Variants in CDK14 observed in about 807,000 individuals in gnomAD.
The protein encoded by CDK14 is cyclin dependent kinase 14, also known as cyclin-dependent kinase 14.
A neutral mutation model predicts 60.7 loss-of-function variants in CDK14; 34 were observed. The observed-to-expected ratio is 0.56, with a 90% CI of 0.43 to 0.75. CDK14 has a LOEUF of 0.75. Among genes scored for constraint, CDK14 ranks in the 30% least tolerant of loss-of-function variants. CDK14 has a pLI of 0.00. For synonymous variants in CDK14, 197 were observed against 203.7 expected, an observed-to-expected ratio of 0.97 and a Z score of 0.28; for missense variants, 482 against 564.1, an observed-to-expected ratio of 0.85 and a Z score of 1.47.
rs1421790085 is a variant in CDK14 at position 91,084,674 on chromosome 7, G to A, written c.1154+5194G>A. 2.0e-5 allele frequency among the ~76,000 whole-genome samples: 3 copies of A among 152,220 alleles called. No individual in the cohort carries two copies. The East Asian group carries it at 5.8e-4, about 29-fold the overall frequency. On this transcript the variant is annotated intron_variant, in intron 12 of 14. Coordinates refer to ENST00000380050, the MANE Select transcript of CDK14 (RefSeq NM_001287135.2). ...GGTGATGGCCAAGGGCAGGCCCCATGCTATTTGTTATCTGTTGGACACGCG... is the reference window on the plus strand; with the variant it reads ...GGTGATGGCCAAGGGCAGGCCCCATACTATTTGTTATCTGTTGGACACGCG...
At chr7:91,101,579 T>G (rs1799146589) in intron 12 of CDK14, among the ~76,000 whole-genome samples, 1 of 152,146 alleles carries the variant, frequency 6.6e-6, no homozygotes, top group Admixed American at 6.5e-5. Context: ...GGGAGGAATC[T>G]CATTATTTTT....
intron 14 of CDK14, among the ~76,000 whole-genome samples, chr7:91,133,247 C>T (rs1286910504): frequency 6.6e-6 from 1 of 151,972 alleles, no homozygotes; most frequent in African/African-American, 2.4e-5. Flanking sequence ...TACTTTAAGT[C>T]CCTGTAAGGG....
chr7:90,960,037 A>G (rs1432318903), intron 9 of CDK14, among the ~76,000 whole-genome samples: 3 of 152,164 alleles, frequency 2.0e-5, no homozygotes, highest in Admixed American at 6.6e-5. Flanking sequence ...TTTGAAAGCC[A>G]CATTAAGAGA....
At chr7:90,677,095 T>C (rs1401809148) in intron 2 of CDK14, among the ~76,000 whole-genome samples, 1 of 152,166 alleles carries the variant, frequency 6.6e-6, no homozygotes, top group Non-Finnish European at 1.5e-5. Flanking sequence ...TCTTCAAAAT[T>C]TGATACATCA....
intron 5 of CDK14, among the ~76,000 whole-genome samples, chr7:90,809,291 CA>C: frequency 6.6e-6 from 1 of 152,268 alleles, no homozygotes; most frequent in South Asian, 2.1e-4. Flanking sequence ...ACAGTGCAAT[CA>C]AACTAGAACT....
chr7:90,864,815 T>A (rs1791121028), intron 6 of CDK14, among the ~76,000 whole-genome samples: 1 of 152,164 alleles, frequency 6.6e-6, no homozygotes, highest in African/African-American at 2.4e-5. Flanking sequence ...TAATCACTTT[T>A]CTTTGTGTGA....
chr7:90,912,157 G>T (rs768593923), intron 7 of CDK14, among the ~76,000 whole-genome samples: 1 of 152,154 alleles, frequency 6.6e-6, no homozygotes, highest in Non-Finnish European at 1.5e-5. Context: ...AATATCCTGA[G>T]ATGGCAAAAT....
At chr7:90,986,714 T>G (rs1224455027) in intron 10 of CDK14, among the ~76,000 whole-genome samples, 1 of 151,978 alleles carries the variant, frequency 6.6e-6, no homozygotes, top group African/African-American at 2.4e-5. Context: ...ATATAAATTT[T>G]TATGCAAAGA....
rs554070868 is a variant in CDK14 at position 90,630,260 on chromosome 7, A to G, written c.123+26011A>G. On this transcript the variant is annotated intron_variant, in intron 2 of 14. Coordinates refer to ENST00000380050, the MANE Select transcript of CDK14 (RefSeq NM_001287135.2). ...GCAGCTTTTTTGTTGTACAGACATC[A>G]TAGAGTATATTTACACACACCTAGA... Among the ~76,000 whole-genome samples the G allele has an allele frequency of 8.7e-4, 133 of 152,250 alleles. 1 individual carries two copies. Among genetic ancestry groups the G allele is most frequent in the African/African-American group, 3.2e-3 (133 of 41,534 alleles).
chr7:91,106,793 T>C (rs1444672734), intron 12 of CDK14, among the ~76,000 whole-genome samples: 1 of 152,208 alleles, frequency 6.6e-6, no homozygotes, highest in Non-Finnish European at 1.5e-5. Flanking sequence ...TGGTAAAAGA[T>C]ACTAAGCCAA....
chr7:91,098,234 G>T (rs1799052996), intron 12 of CDK14, among the ~76,000 whole-genome samples: 1 of 152,184 alleles, frequency 6.6e-6, no homozygotes, highest in Admixed American at 6.5e-5. Context: ...TTTTTCATTT[G>T]CTTTGAACTA....
intron 14 of CDK14, among the ~76,000 whole-genome samples, chr7:91,177,637 A>G (rs1406003737): frequency 6.6e-6 from 1 of 151,772 alleles, no homozygotes; most frequent in Non-Finnish European, 1.5e-5. Context: ...TCAACGTACA[A>G]AAATCACAAG....
chr7:90,811,034 A>G (rs1448874091), intron 5 of CDK14, among the ~76,000 whole-genome samples: 1 of 152,222 alleles, frequency 6.6e-6, no homozygotes, highest in Non-Finnish European at 1.5e-5. Flanking sequence ...GAGAATGGCC[A>G]TACTGCCCAA....
chr7:90,707,572 T>A (rs1156265692), intron 2 of CDK14, among the ~76,000 whole-genome samples: 3 of 152,212 alleles, frequency 2.0e-5, no homozygotes, highest in Non-Finnish European at 4.4e-5. Context: ...GGCAACTTCA[T>A]ATAGGATAAA....
chr7:90,649,333 C>CT (rs749153307), intron 2 of CDK14, among the ~76,000 whole-genome samples: 124 of 43,498 alleles, frequency 2.9e-3, no homozygotes, highest in Non-Finnish European at 3.7e-3. Flanking sequence ...TCCTTCCTTC[C>CT]TTCCTTCCTT....
At chr7:90,621,663 T>TCCTTCCTTCCTGCCTTCCTG (rs1563018781) in intron 2 of CDK14, among the ~76,000 whole-genome samples, 66 of 112,656 alleles carry the variant, frequency 5.9e-4, no homozygotes, top group Non-Finnish European at 5.1e-4. Flanking sequence ...CTTCCTTCCT[T>TCCTTCCTTCCTGCCTTCCTG]CCTTCCTGCC....
chr7:90,669,589 G>A (rs544010711), intron 2 of CDK14, among the ~76,000 whole-genome samples: 17 of 152,298 alleles, frequency 1.1e-4, no homozygotes, highest in African/African-American at 2.9e-4. Flanking sequence ...ATGAAGAAAC[G>A]TGAGCCAAGA....
intron 5 of CDK14, 48 bp from the exon 6 acceptor site, chr7:90,863,127 T>A (rs1791061523): frequency 9.7e-7 from 1 of 1,027,762 alleles, no homozygotes; most frequent in African/African-American, 1.6e-5. Context: ...ATATATTAGT[T>A]GATTGTTATC....
chr7:90,711,279 T>A (rs765730013), intron 2 of CDK14, among the ~76,000 whole-genome samples: 2 of 152,254 alleles, frequency 1.3e-5, no homozygotes, highest in Non-Finnish European at 2.9e-5. Flanking sequence ...TTCACTCAAC[T>A]ATTTACTGTT....
Sources: gnomAD v4.1 joint callset for allele counts (sites outside exome capture counted in the v4.1 genomes callset) on GRCh38, gnomAD v4.1.1 for gene constraint, MANE v1.5 for transcripts, NCBI Gene and HGNC (gene_info 2026-07-23, HGNC 2026-07-21) for gene names.